Variants in RGL1 observed in about 807,000 individuals in gnomAD.
RGL1 encodes the protein ral guanine nucleotide dissociation stimulator-like 1.
RGL1 carries 24 observed loss-of-function variants against 95.2 expected under a neutral mutation model. The ratio of observed to expected loss-of-function variants is 0.25; its 90% CI spans 0.18 to 0.35. The LOEUF (loss-of-function observed/expected upper bound fraction) is 0.35. RGL1 is among the 10% of genes least tolerant of loss of function. The probability of loss-of-function intolerance (pLI) is 1.00; values close to 1 mark genes in which losing one functional copy is unlikely to be tolerated. For missense variants in RGL1, 715 were observed against 936.3 expected (o/e 0.76, Z 3.08); for synonymous variants, 329 against 344.9 (o/e 0.95, Z 0.51).
intron 2 of RGL1, among the ~76,000 whole-genome samples, chr1:183,752,992 G>T (rs1339913090): frequency 2.0e-5 from 3 of 151,890 alleles, no homozygotes; most frequent in South Asian, 2.1e-4. Flanking sequence ...AACATTTTGG[G>T]GTACGAGGGC....
intron 7 of RGL1, among the ~76,000 whole-genome samples, chr1:183,885,843 G>T (rs945324247): frequency 5.3e-5 from 8 of 152,146 alleles, no homozygotes; most frequent in Admixed American, 4.6e-4. Flanking sequence ...GGGGGAGAGA[G>T]AAATCATTTC....
chr1:183,807,309 T>C (rs534160740), intron 2 of RGL1, among the ~76,000 whole-genome samples: 1 of 152,048 alleles, frequency 6.6e-6, no homozygotes, highest in African/African-American at 2.4e-5. Flanking sequence ...CAAAAAGCCT[T>C]GAGAAAGAAA....
chr1:183,883,770 T>C lies in RGL1; in HGVS notation c.611-16T>C. ...ACACTGGCGCCAAATTACTAATCTT[T>C]TCCATATGTGAACAGATGGGCTTCC... On this transcript the variant is annotated splice_polypyrimidine_tract_variant and intron_variant, in intron 5 of 17. Coordinates refer to ENST00000360851, the MANE Select transcript of RGL1 (RefSeq NM_001297671.3). 1 of 1,613,622 alleles carries C rather than the reference T, an allele frequency of 6.2e-7. No individual in the cohort carries two copies. The highest frequency in any genetic ancestry group is 1.1e-5 in the South Asian group (1 of 91,042).
rs535079939 is a variant in RGL1 at position 183,835,114 on chromosome 1, G to GATGTAATCAAA, written c.139-12450_139-12449insGTAATCAAAAT. On this transcript the variant is annotated intron_variant, in intron 2 of 17. Coordinates refer to ENST00000360851, the MANE Select transcript of RGL1 (RefSeq NM_001297671.3). The stretch of plus-strand genomic sequence containing the variant: ...TGCCTATCTTTTTACATAAAATTTT[G>GATGTAATCAAA]ATCATTAATATCTAGTAAACAAAAT... 4.6e-5 allele frequency among the ~76,000 whole-genome samples: 7 copies of GATGTAATCAAA among 152,156 alleles called. No individual in the cohort carries two copies. The East Asian group carries it at 1.4e-3, about 29-fold the overall frequency.
rs183889656 is a variant in RGL1, at chr1:183,905,701, C to A, written c.1472+730C>A. 3.9e-5 allele frequency among the ~76,000 whole-genome samples: 6 copies of A among 152,256 alleles called. No homozygotes were observed. The East Asian group carries it at 1.2e-3, about 29-fold the overall frequency. On this transcript the variant is annotated intron_variant, in intron 13 of 17. Coordinates refer to ENST00000360851, the MANE Select transcript of RGL1 (RefSeq NM_001297671.3). ...AAGGCATGTTCACTTGAGTGCCCTG[C>A]CTGCTGGCTCAGCACGTCCCTGTCC...
chr1:183,661,771 A>C (rs1427106559), intron 1 of RGL1, among the ~76,000 whole-genome samples: 2 of 151,080 alleles, frequency 1.3e-5, no homozygotes, highest in Non-Finnish European at 2.9e-5. Flanking sequence ...AGAGAATTTT[A>C]GACCAATATC....
At chr1:183,809,157 A>T (rs538080161) in intron 2 of RGL1, among the ~76,000 whole-genome samples, 1 of 152,354 alleles carries the variant, frequency 6.6e-6, no homozygotes, top group African/African-American at 2.4e-5. Context: ...GCATGTGAGG[A>T]TAGGCATAGC....
At chr1:183,763,536 G>A (rs113714776) in intron 2 of RGL1, among the ~76,000 whole-genome samples, 1 of 152,116 alleles carries the variant, frequency 6.6e-6, no homozygotes, top group Non-Finnish European at 1.5e-5. Flanking sequence ...CCATCTTTAT[G>A]TGCCCAATAT....
At chr1:183,748,401 T>C (rs1196683035) in intron 2 of RGL1, among the ~76,000 whole-genome samples, 3 of 50,062 alleles carry the variant, frequency 6.0e-5, no homozygotes, top group African/African-American at 1.1e-4. Context: ...GTTCTTTTTT[T>C]TTTTTTTTTT....
intron 2 of RGL1, among the ~76,000 whole-genome samples, chr1:183,841,416 A>AC (rs1345583442): frequency 1.3e-5 from 2 of 152,348 alleles, no homozygotes; most frequent in African/African-American, 4.8e-5. Flanking sequence ...CTAGCAAAAA[A>AC]GTGACTTCCC....
chr1:183,652,636 G>A (rs1399463099), intron 1 of RGL1, among the ~76,000 whole-genome samples: 2 of 152,190 alleles, frequency 1.3e-5, no homozygotes, highest in African/African-American at 2.4e-5. Context: ...TTTAGGCCCA[G>A]GACCTACCTT....
intron 2 of RGL1, among the ~76,000 whole-genome samples, chr1:183,833,033 C>T (rs995689942): frequency 2.0e-5 from 3 of 152,034 alleles, no homozygotes; most frequent in African/African-American, 7.2e-5. Context: ...TGTAGGAACA[C>T]CTATTGAATT....
chr1:183,888,160 CTTTCTAGCATA>C (rs1667224514), intron 7 of RGL1, among the ~76,000 whole-genome samples: 1 of 152,150 alleles, frequency 6.6e-6, no homozygotes, highest in Admixed American at 6.5e-5. Flanking sequence ...GAAAGTTGCT[CTTTCTAGCATA>C]GCTCTGTAGA....
At position 183,663,756 on chromosome 1, in the gene RGL1, G is replaced by A. The variant is rs189706933; in HGVS notation, c.-33+27255G>A. On this transcript the variant is annotated intron_variant, in intron 1 of 18. Transcript: ENST00000304685. ...ATAAATCATGCTGCTATAAAGACAC[G>A]TGCACACGTATGTTTATTGCAGCAC... 3.1e-3 allele frequency among the ~76,000 whole-genome samples: 469 copies of A among 150,636 alleles called. 5 individuals are homozygous for A. The highest frequency in any genetic ancestry group is 0.011 in the African/African-American group (443 of 40,148).
chr1:183,702,650 G>A (rs1329202882), intron 1 of RGL1, among the ~76,000 whole-genome samples: 1 of 152,194 alleles, frequency 6.6e-6, no homozygotes, highest in Non-Finnish European at 1.5e-5. Context: ...GGGGATCCTA[G>A]AGCTAGTAGA....
At chr1:183,831,118 C>T (rs749070179) in intron 2 of RGL1, among the ~76,000 whole-genome samples, 3 of 152,084 alleles carry the variant, frequency 2.0e-5, no homozygotes, top group Non-Finnish European at 4.4e-5. Flanking sequence ...ATAAATTAGT[C>T]TAGATAAGGT....
intron 16 of RGL1, among the ~76,000 whole-genome samples, chr1:183,920,474 G>C (rs904694398): frequency 6.6e-6 from 1 of 152,208 alleles, no homozygotes; most frequent in Non-Finnish European, 1.5e-5. Context: ...TCATAAGTTT[G>C]ATTCAGCATC....
intron 2 of RGL1, among the ~76,000 whole-genome samples, chr1:183,836,978 A>T (rs149070842): frequency 4.6e-5 from 7 of 152,332 alleles, no homozygotes; most frequent in African/African-American, 1.7e-4. Context: ...ATAGGTAATC[A>T]TAACAGTGGG....
chr1:183,830,007 G>A (rs1663151582), intron 2 of RGL1, among the ~76,000 whole-genome samples: 1 of 152,132 alleles, frequency 6.6e-6, no homozygotes, highest in Non-Finnish European at 1.5e-5. Flanking sequence ...GATAGGGAGT[G>A]TGTCTGTGTT....
Sources: allele counts gnomAD v4.1 joint callset (sites outside exome capture counted in the v4.1 genomes callset), GRCh38; gene constraint gnomAD v4.1.1; transcripts MANE v1.5; gene names NCBI Gene and HGNC (gene_info 2026-07-23, HGNC 2026-07-21).